PCDHGB5: variants seen among roughly 807,000 people sequenced by gnomAD.
The protein encoded by PCDHGB5 is protocadherin gamma subfamily B, 5.
In PCDHGB5, 48 loss-of-function variants were observed where a neutral mutation model predicts 62.9. The ratio of observed to expected loss-of-function variants is 0.76; its 90% CI spans 0.61 to 0.97. PCDHGB5 has a LOEUF of 0.97. PCDHGB5 is among the 50% of genes least tolerant of loss of function. The probability of loss-of-function intolerance (pLI) is 0.00; values close to 1 mark genes in which losing one functional copy is unlikely to be tolerated. For missense variants in PCDHGB5, 1,118 were observed against 1,198.6 expected, an observed-to-expected ratio of 0.93 and a Z score of 0.99; for synonymous variants, 474 against 511.2, an observed-to-expected ratio of 0.93 and a Z score of 0.98.
Position 141,432,236 on chromosome 5 carries a change from G to A in PCDHGB5, c.2397+31712G>A, listed in dbSNP as rs752735346. On this transcript the variant is annotated intron_variant, in intron 1 of 3. Coordinates refer to ENST00000617380, the MANE Select transcript of PCDHGB5 (RefSeq NM_018925.3). This position sits in a 1 kb window ranked among gnomAD's most constrained non-coding sequence, Gnocchi z 6.0. ...CGCCCAGATCACTTATTCCCTGGCT[G>A]AGAACACCATCCAAGGGGCAAGCCT... is the stretch of plus-strand genomic sequence containing the variant. The A allele has an allele frequency of 8.7e-6, 14 of 1,614,130 alleles. No individual in the cohort carries two copies. The African/African-American group carries it at 9.3e-5, about 11-fold the overall frequency.
chr5:141,473,756 A>G (rs2099328139), intron 1 of PCDHGB5, among the ~76,000 whole-genome samples: 1 of 152,228 alleles, frequency 6.6e-6, no homozygotes, highest in African/African-American at 2.4e-5. Context: ...CTTGGATACT[A>G]TGCAAAGGAT....
rs763239421 is a variant in PCDHGB5, at chr5:141,477,265, G to C, written c.2398-17542G>C. 1 of 1,614,198 alleles carries C rather than the reference G, an allele frequency of 6.2e-7. No homozygotes were observed. Among genetic ancestry groups the C allele is most frequent in the Admixed American group, 1.7e-5 (1 of 60,020 alleles). On this transcript the variant is annotated intron_variant, in intron 1 of 3. Coordinates refer to ENST00000617380, the MANE Select transcript of PCDHGB5 (RefSeq NM_018925.3). The surrounding 1 kb of genome is among the most constrained non-coding windows in gnomAD (Gnocchi z 4.9). ...GTGTGACTGACCTGGATGCTGGCGA[G>C]AACGGGCTGGTGACCTGCGAAGTTC...
At position 141,485,800 on chromosome 5, in the gene PCDHGB5, C is replaced by T. The variant is rs1231777430; in HGVS notation, c.2398-9007C>T. On this transcript the variant is annotated intron_variant, in intron 1 of 3. Coordinates refer to ENST00000617380, the MANE Select transcript of PCDHGB5 (RefSeq NM_018925.3). This position sits in a 1 kb window ranked among gnomAD's most constrained non-coding sequence, Gnocchi z 5.7. The stretch of plus-strand genomic sequence containing the variant: ...ATCGAGAGAAGCAATCGGACTACCG[C>T]CTGGTGCTGACTGCTGTCGATGGAG... 1 of 1,614,228 alleles carries T rather than the reference C, an allele frequency of 6.2e-7. No homozygotes were observed. Among genetic ancestry groups the T allele is most frequent in the East Asian group, 2.2e-5 (1 of 44,878 alleles).
intron 1 of PCDHGB5, among the ~76,000 whole-genome samples, chr5:141,494,039 G>A (rs901795348): frequency 2.0e-5 from 3 of 152,144 alleles, no homozygotes; most frequent in Non-Finnish European, 4.4e-5. Context: ...GACTTAGTTG[G>A]CCCTGCTTGG....
chr5:141,424,497 A>G (rs2096824503), intron 1 of PCDHGB5: 2 of 152,174 alleles, frequency 1.3e-5, no homozygotes, highest in African/African-American at 2.4e-5. Flanking sequence ...GTTTGTATGT[A>G]TGGAAGGTTT....
rs377138746 is a variant in PCDHGB5, at chr5:141,432,481, C to A, written c.2397+31957C>A. Reference sequence around the variant, plus strand: ...CCCTCCCCACGGACGGTTCCACTGGCGTGGAGCTGGCTCCCCGCTCCGCAG... The same window carrying A: ...CCCTCCCCACGGACGGTTCCACTGGAGTGGAGCTGGCTCCCCGCTCCGCAG... On this transcript the variant is annotated intron_variant, in intron 1 of 3. Transcript: ENST00000617380. This position sits in a 1 kb window ranked among gnomAD's most constrained non-coding sequence, Gnocchi z 6.0. 6.2e-7 allele frequency: 1 copy of A among 1,614,080 alleles called. No individual in the cohort carries two copies.
intron 1 of PCDHGB5, among the ~76,000 whole-genome samples, chr5:141,430,388 A>G (rs2097280501): frequency 6.6e-6 from 1 of 152,106 alleles, no homozygotes; most frequent in Non-Finnish European, 1.5e-5. Flanking sequence ...ATTGGGAAAA[A>G]AAAAAAAAGC....
chr5:141,442,164 C>A, intron 1 of PCDHGB5: 1 of 156,542 alleles, frequency 6.4e-6, no homozygotes, highest in Non-Finnish European at 1.4e-5. Context: ...GATCACTCTG[C>A]AAAGCTACAG....
intron 1 of PCDHGB5, chr5:141,428,109 G>A: frequency 1.2e-6 from 2 of 1,607,850 alleles, no homozygotes; most frequent in Non-Finnish European, 1.7e-6. Context: ...CGTGCTGCAG[G>A]CCATCGAGCC....
At chr5:141,407,873 A>C (rs561323423) in intron 1 of PCDHGB5, 1 of 354,804 alleles carries the variant, frequency 2.8e-6, no homozygotes, top group African/African-American at 2.1e-5. Flanking sequence ...CGAAGAATAT[A>C]TACATTTCGG....
chr5:141,416,412 A>G (rs1391280535), intron 1 of PCDHGB5: 1 of 152,182 alleles, frequency 6.6e-6, no homozygotes, highest in Non-Finnish European at 1.5e-5. Flanking sequence ...TTTTTGTTAA[A>G]TTTTCTAGTG....
At chr5:141,478,444 T>C (rs1190996745) in intron 1 of PCDHGB5, 1 of 1,613,478 alleles carries the variant, frequency 6.2e-7, no homozygotes, top group Non-Finnish European at 8.5e-7. Flanking sequence ...TGAAGAAACC[T>C]GGTGCAGCCA....
chr5:141,511,462 C>T lies in PCDHGB5; in HGVS notation c.*289C>T, dbSNP rs1385398410. On this transcript the variant is annotated 3_prime_UTR_variant, in exon 4 of 4. Transcript: ENST00000617380. Reference sequence around the variant, plus strand: ...AGACACCAAGAACCATTTGCCACACCCCGTTTAGTTACAGCTGAACTCCTC... The same window carrying T: ...AGACACCAAGAACCATTTGCCACACTCCGTTTAGTTACAGCTGAACTCCTC... 5.4e-6 allele frequency: 3 copies of T among 556,350 alleles called. No individual in the cohort carries two copies. In the South Asian group the frequency reaches 6.3e-5, roughly 12 times the overall value. 34.5% of individuals were successfully genotyped at this position (556,350 alleles called of 1,614,324 possible).
In PCDHGB5 at chr5:141,403,923, G is replaced by T. The variant is rs199643799; in HGVS notation, c.2397+3399G>T. 1.2e-3 allele frequency: 1,935 copies of T among 1,613,900 alleles called. 4 individuals carry two copies. Among genetic ancestry groups the T allele is most frequent in the Non-Finnish European group, 1.5e-3 (1,744 of 1,179,882 alleles). On this transcript the variant is annotated intron_variant, in intron 1 of 3. Transcript: ENST00000617380. The stretch of plus-strand genomic sequence containing the variant: ...GAAATGGAAATACAAGCTGAAGATG[G>T]TGGGGGATTGAAAGGGTGGACAAAA...
At chr5:141,484,589 C>T (rs2154580160) in intron 1 of PCDHGB5, among the ~76,000 whole-genome samples, 1 of 152,074 alleles carries the variant, frequency 6.6e-6, no homozygotes, top group African/African-American at 2.4e-5. Context: ...GGAAGCTACT[C>T]ATTTAGAATA....
chr5:141,422,370 T>G (rs2096643676), intron 1 of PCDHGB5: 1 of 1,566,604 alleles, frequency 6.4e-7, no homozygotes, highest in African/African-American at 1.4e-5. Flanking sequence ...GAGAAAATGG[T>G]CAAGTCTCCT....
chr5:141,478,700 C>T (rs1171617240), intron 1 of PCDHGB5: 2 of 1,549,172 alleles, frequency 1.3e-6, no homozygotes, highest in South Asian at 1.2e-5. Flanking sequence ...AAAGTTAGTG[C>T]CTTTGTGAGA....
rs1236961370 is a variant in PCDHGB5, at chr5:141,512,621, C to T, written c.*1448C>T. 1 of 152,964 alleles carries T rather than the reference C, an allele frequency of 6.5e-6. No homozygotes were observed. The highest frequency in any genetic ancestry group is 1.5e-5 in the Non-Finnish European group (1 of 68,612). 9.5% of individuals were successfully genotyped at this position (152,964 alleles called of 1,614,324 possible). A position where few individuals can be genotyped will look rare whatever the true frequency, so the allele number is the denominator to read the frequency against. Reference sequence around the variant, plus strand: ...CCATCCAGCGGGGCTGCCAGAGAACCCCAGACCTGCCCTTACAGTAGTGTA... The same window carrying T: ...CCATCCAGCGGGGCTGCCAGAGAACTCCAGACCTGCCCTTACAGTAGTGTA... On this transcript the variant is annotated 3_prime_UTR_variant, in exon 4 of 4. Coordinates refer to ENST00000617380, the MANE Select transcript of PCDHGB5 (RefSeq NM_018925.3).
intron 1 of PCDHGB5, chr5:141,420,445 T>C: frequency 9.6e-7 from 1 of 1,044,750 alleles, no homozygotes; most frequent in Non-Finnish European, 1.3e-6. Context: ...AATGCCTCAG[T>C]CTTCCTACTA....
Sources: gnomAD v4.1 joint callset for allele counts (sites outside exome capture counted in the v4.1 genomes callset) on GRCh38, gnomAD v4.1.1 for gene constraint, Gnocchi (gnomAD v3.1) non-coding constraint, MANE v1.5 for transcripts, NCBI Gene and HGNC (gene_info 2026-07-23, HGNC 2026-07-21) for gene names.